Variants in LHFPL4 observed in about 807,000 individuals in gnomAD.
LHFPL4 encodes the protein LHFPL tetraspan subfamily member 4 protein.
In LHFPL4, 6 loss-of-function variants were observed where a neutral mutation model predicts 20.0. The ratio of observed to expected loss-of-function variants is 0.30; its 90% confidence interval spans 0.16 to 0.59. The LOEUF (loss-of-function observed/expected upper bound fraction) is 0.59, where lower values mean the gene tolerates loss of function less well. LHFPL4 is among the 20% of genes least tolerant of loss of function. The pLI is 0.88. For missense variants in LHFPL4, 215 were observed against 331.2 expected, an observed-to-expected ratio of 0.65 and a Z score of 2.72; for synonymous variants, 129 against 143.8, an observed-to-expected ratio of 0.90 and a Z score of 0.74.
At chr3:9,540,736 T>TA (rs201333242) in intron 2 of LHFPL4, among the ~76,000 whole-genome samples, 3 of 149,716 alleles carry the variant, frequency 2.0e-5, no homozygotes, top group African/African-American at 4.9e-5. Context: ...TTTCAAAAAT[T>TA]TAAAAAAAAA....
chr3:9,547,986 T>TGTA (rs2046527475), intron 2 of LHFPL4, among the ~76,000 whole-genome samples: 2 of 152,106 alleles, frequency 1.3e-5, no homozygotes, highest in South Asian at 4.1e-4. Flanking sequence ...TTGTATTATT[T>TGTA]GTAGAGACAG....
chr3:9,551,581 C>T (rs987225227), intron 2 of LHFPL4, among the ~76,000 whole-genome samples: 8 of 152,190 alleles, frequency 5.3e-5, no homozygotes, highest in African/African-American at 1.9e-4. Flanking sequence ...CAGGGACTCA[C>T]TCCCATTGGG....
chr3:9,553,484 G>A (rs957167307), intron 1 of LHFPL4, among the ~76,000 whole-genome samples: 2 of 150,930 alleles, frequency 1.3e-5, no homozygotes, highest in Admixed American at 1.3e-4. Context: ...GAGAGAGGGG[G>A]TTTCCAGGCC....
chr3:9,539,454 C>CAAAA lies in LHFPL4; in HGVS notation c.406+12816_406+12819dup, dbSNP rs57211005. Among the ~76,000 whole-genome samples, 15 of 109,406 alleles carry CAAAA rather than the reference C, an allele frequency of 1.4e-4. No homozygotes were observed. In the South Asian group the frequency reaches 1.7e-3, roughly 12 times the overall value. The allele number at this position is 109,406 out of a possible 152,430, so 71.8% of individuals were successfully genotyped here. A position where few individuals can be genotyped will look rare whatever the true frequency, so the allele number is the denominator to read the frequency against. On this transcript the variant is annotated intron_variant, in intron 2 of 3. Transcript: ENST00000287585. ...TGGGCAATAGAGTGAAACTTCGTCT[C>CAAAA]AAAAAAAAAAAAAAAAAAGGAATAG...
chr3:9,508,290 A>T (rs1385579448), intron 2 of LHFPL4, among the ~76,000 whole-genome samples: 2 of 151,938 alleles, frequency 1.3e-5, no homozygotes, highest in Non-Finnish European at 1.5e-5. Context: ...CCTCTTCCAG[A>T]TGCAGGCTCC....
chr3:9,527,931 A>G (rs1163361518), intron 2 of LHFPL4, among the ~76,000 whole-genome samples: 1 of 151,988 alleles, frequency 6.6e-6, no homozygotes, highest in East Asian at 1.9e-4. Context: ...AAGTCACACA[A>G]ATTATTTGGT....
intron 3 of LHFPL4, among the ~76,000 whole-genome samples, chr3:9,502,800 T>C (rs2046186745): frequency 6.6e-6 from 1 of 151,978 alleles, no homozygotes; most frequent in African/African-American, 2.4e-5. Flanking sequence ...GAGCAAGCCA[T>C]TTAACCTCTC....
intron 2 of LHFPL4, among the ~76,000 whole-genome samples, chr3:9,549,904 T>C (rs2125668824): frequency 6.6e-6 from 1 of 152,274 alleles, no homozygotes; most frequent in South Asian, 2.1e-4. Context: ...TTATTTTATG[T>C]TATTTTTTGC....
At chr3:9,551,845 A>G (rs2046556872) in intron 2 of LHFPL4, among the ~76,000 whole-genome samples, 1 of 152,202 alleles carries the variant, frequency 6.6e-6, no homozygotes, top group Admixed American at 6.5e-5. Context: ...GAAACACCCA[A>G]GTTGATAGTG....
intron 2 of LHFPL4, among the ~76,000 whole-genome samples, chr3:9,524,913 A>G (rs989550839): frequency 1.3e-5 from 2 of 152,214 alleles, no homozygotes; most frequent in Admixed American, 6.5e-5. Flanking sequence ...GAAGCATTCT[A>G]TAGTCCTACA....
chr3:9,545,162 C>A (rs1175867846), intron 2 of LHFPL4, among the ~76,000 whole-genome samples: 1 of 148,770 alleles, frequency 6.7e-6, no homozygotes. Context: ...GAAAGGAGAA[C>A]AGAAGAGAGG....
At chr3:9,548,660 G>A (rs555203017) in intron 2 of LHFPL4, among the ~76,000 whole-genome samples, 6 of 152,262 alleles carry the variant, frequency 3.9e-5, no homozygotes, top group East Asian at 1.9e-4. Flanking sequence ...TTCTGTTGGC[G>A]CTTGTCTTGC....
intron 2 of LHFPL4, among the ~76,000 whole-genome samples, chr3:9,511,426 G>T (rs1209561670): frequency 6.6e-6 from 1 of 152,112 alleles, no homozygotes; most frequent in Non-Finnish European, 1.5e-5. Flanking sequence ...AGGCTCAGAG[G>T]CACCAGGTGT....
intron 2 of LHFPL4, among the ~76,000 whole-genome samples, chr3:9,527,809 A>AACACAC (rs58489008): frequency 0.035 from 5,023 of 143,144 alleles, 288 homozygotes; most frequent in East Asian, 0.32. Context: ...TTCAAATACA[A>AACACAC]ACACACACAC....
In LHFPL4 at chr3:9,553,202, G is replaced by C. The variant is rs368347347; in HGVS notation, c.-168-355C>G. On this transcript the variant is annotated intron_variant, in intron 1 of 3. Transcript: ENST00000287585. ...GGTCTGGTATTGGGTGTCTAGCAAG[G>C]GACTATGAGGCGGTGGTGGGCGCTT... Among the ~76,000 whole-genome samples the C allele has an allele frequency of 4.0e-5, 6 of 151,780 alleles. No homozygotes were observed. In the East Asian group the frequency reaches 7.8e-4, roughly 20 times the overall value.
chr3:9,508,344 C>T (rs927023993), intron 2 of LHFPL4, among the ~76,000 whole-genome samples: 14 of 152,174 alleles, frequency 9.2e-5, no homozygotes, highest in African/African-American at 1.2e-4. Context: ...CAGGGCTCCT[C>T]CCCCCACCAA....
chr3:9,505,116 G>A (rs1469059252), intron 3 of LHFPL4, among the ~76,000 whole-genome samples: 3 of 152,148 alleles, frequency 2.0e-5, no homozygotes, highest in Non-Finnish European at 4.4e-5. Flanking sequence ...CTACAGTGAA[G>A]CTGCAGCCAC....
At chr3:9,523,090 A>AAGAG (rs1399551116) in intron 2 of LHFPL4, among the ~76,000 whole-genome samples, 3 of 143,092 alleles carry the variant, frequency 2.1e-5, no homozygotes, top group South Asian at 2.3e-4. Flanking sequence ...GAAAGAAAGA[A>AAGAG]AGAGAGAGAG....
intron 2 of LHFPL4, among the ~76,000 whole-genome samples, chr3:9,508,356 G>C (rs2046233634): frequency 6.6e-6 from 1 of 152,082 alleles, no homozygotes; most frequent in Non-Finnish European, 1.5e-5. Context: ...CCCCACCAAT[G>C]CTCCTCCTCC....
Sources: allele counts gnomAD v4.1 joint callset (sites outside exome capture counted in the v4.1 genomes callset), GRCh38; gene constraint gnomAD v4.1.1; transcripts MANE v1.5; gene names NCBI Gene and HGNC (gene_info 2026-07-23, HGNC 2026-07-21).